Variants in ANO3 observed in about 807,000 individuals in gnomAD.
The protein encoded by ANO3 is anoctamin 3, also known as anoctamin-3.
ANO3 carries 99 observed loss-of-function variants against 144.8 expected under a neutral mutation model. The ratio of observed to expected loss-of-function variants is 0.68; its 90% CI spans 0.58 to 0.81. The LOEUF (loss-of-function observed/expected upper bound fraction) is 0.81, where lower values mean the gene tolerates loss of function less well. Ranked by LOEUF, ANO3 falls within the 30% of genes least tolerant of loss-of-function variation. ANO3 has a pLI of 0.00. For missense variants in ANO3, 905 were observed against 1,202.2 expected (o/e 0.75, Z 3.66); for synonymous variants, 414 against 392.6 (o/e 1.05, Z -0.64).
intron 1 of ANO3, among the ~76,000 whole-genome samples, chr11:26,381,242 T>G (rs1856582361): frequency 6.6e-6 from 1 of 152,154 alleles, no homozygotes; most frequent in South Asian, 2.1e-4. Flanking sequence ...TTATTCTAAC[T>G]TCAGTTTAAT....
At chr11:26,450,920 G>A (rs1021019598) in intron 3 of ANO3, among the ~76,000 whole-genome samples, 18 of 152,206 alleles carry the variant, frequency 1.2e-4, no homozygotes, top group African/African-American at 3.9e-4. Flanking sequence ...CCCAGAGATA[G>A]CTGTAAGGTT....
chr11:26,217,712 G>C (rs987514152), intron 1 of ANO3, among the ~76,000 whole-genome samples: 5 of 152,016 alleles, frequency 3.3e-5, no homozygotes, highest in Admixed American at 3.3e-4. Context: ...TATAAATGCA[G>C]ATTTAAGCTC....
At chr11:26,519,886 G>A (rs952725762) in intron 6 of ANO3, among the ~76,000 whole-genome samples, 20 of 138,668 alleles carry the variant, frequency 1.4e-4, no homozygotes, top group Non-Finnish European at 2.6e-4. Context: ...CTCTATCCAG[G>A]AAAAGTCTTA....
intron 18 of ANO3, among the ~76,000 whole-genome samples, chr11:26,630,935 A>G (rs1379230793): frequency 6.6e-6 from 1 of 151,552 alleles, no homozygotes; most frequent in African/African-American, 2.4e-5. Context: ...CCATATGACT[A>G]TTCAGGCATT....
chr11:26,196,893 A>G (rs1035341589), intron 1 of ANO3, among the ~76,000 whole-genome samples: 7 of 152,220 alleles, frequency 4.6e-5, no homozygotes, highest in African/African-American at 1.7e-4. Flanking sequence ...ACCAAAATGC[A>G]AGACATTGTA....
At chr11:26,232,182 A>G (rs2133803080) in intron 1 of ANO3, among the ~76,000 whole-genome samples, 1 of 152,246 alleles carries the variant, frequency 6.6e-6, no homozygotes, top group Non-Finnish European at 1.5e-5. Flanking sequence ...ATTTGTCACT[A>G]TGGTTGGCCC....
In ANO3 at chr11:26,485,192, G is replaced by T. The variant is rs138358706; in HGVS notation, c.432+22044G>T. Among the ~76,000 whole-genome samples, 64 of 152,302 alleles carry T rather than the reference G, an allele frequency of 4.2e-4. 1 individual carries two copies. In the East Asian group the frequency reaches 0.012, roughly 29 times the overall value. On this transcript the variant is annotated intron_variant, in intron 4 of 26. Coordinates refer to ENST00000256737, the MANE Select transcript of ANO3 (RefSeq NM_031418.4). ...CAATGTGAGAAGGACATGGGATTTG[G>T]TAGGGGCCAGGGGCAGAATGATATG...
intron 12 of ANO3, among the ~76,000 whole-genome samples, chr11:26,549,856 A>T (rs1364035607): frequency 1.3e-5 from 2 of 151,896 alleles, no homozygotes; most frequent in Admixed American, 6.6e-5. Context: ...TCAGCATCAG[A>T]ACTCACCAAG....
At position 26,461,920 on chromosome 11, in the gene ANO3, T is replaced by A. The variant is rs76716938; in HGVS notation, c.314-1110T>A. ...ATGTTAACCATCAATGAGTTAGGTA[T>A]GGTTAATAGGTCTAAGTGTAACCAC... On this transcript the variant is annotated intron_variant, in intron 3 of 26. Transcript: ENST00000256737. Among the ~76,000 whole-genome samples, 950 of 152,150 alleles carry A rather than the reference T, an allele frequency of 6.2e-3. 8 individuals are homozygous for A. The highest frequency in any genetic ancestry group is 0.022 in the African/African-American group (905 of 41,566).
At chr11:26,558,818 G>C (rs1850169350) in intron 13 of ANO3, among the ~76,000 whole-genome samples, 3 of 152,064 alleles carry the variant, frequency 2.0e-5, no homozygotes, top group Admixed American at 6.6e-5. Flanking sequence ...ATTGAACAAG[G>C]AGGACACCAT....
chr11:26,586,501 A>ATTTTTTTTTTTTTTTTTTTTTTTTTT (rs1281089936), intron 14 of ANO3, among the ~76,000 whole-genome samples: 3 of 40,012 alleles, frequency 7.5e-5, no homozygotes, highest in African/African-American at 8.9e-5. Flanking sequence ...CCTGGTGAGA[A>ATTTTTTTTTTTTTTTTTTTTTTTTTT]TCTTTTTTTT....
At chr11:26,548,219 C>A (rs553944675) in intron 12 of ANO3, among the ~76,000 whole-genome samples, 4 of 151,968 alleles carry the variant, frequency 2.6e-5, no homozygotes, top group Non-Finnish European at 5.9e-5. Context: ...TGACAAAAGT[C>A]AAACATATAT....
At chr11:26,227,864 AT>A (rs1438263166) in intron 1 of ANO3, among the ~76,000 whole-genome samples, 1 of 152,270 alleles carries the variant, frequency 6.6e-6, no homozygotes, top group African/African-American at 2.4e-5. Context: ...CATAATTTAA[AT>A]TTTTTTAAAC....
chr11:26,592,199 G>T (rs1450053445), intron 14 of ANO3, among the ~76,000 whole-genome samples: 1 of 152,132 alleles, frequency 6.6e-6, no homozygotes, highest in Non-Finnish European at 1.5e-5. Flanking sequence ...TTTTGGGAGA[G>T]AGTTACGGAT....
At chr11:26,471,041 T>A (rs1859763329) in intron 4 of ANO3, among the ~76,000 whole-genome samples, 1 of 151,986 alleles carries the variant, frequency 6.6e-6, no homozygotes, top group African/African-American at 2.4e-5. Flanking sequence ...CCAGAAGCTG[T>A]GGTAAGCACT....
intron 4 of ANO3, among the ~76,000 whole-genome samples, chr11:26,470,303 T>C (rs1859734330): frequency 6.6e-6 from 1 of 151,368 alleles, no homozygotes; most frequent in Non-Finnish European, 1.5e-5. Context: ...TCCCAACTAC[T>C]CGGGAGACTG....
At position 26,474,021 on chromosome 11, in the gene ANO3, G is replaced by A. The variant is rs557585028; in HGVS notation, c.432+10873G>A. ...TGGAAAAAGCAGGCGGTGAAAGGGA[G>A]AACTTTCAGTTGTCACACTGAAGAG... On this transcript the variant is annotated intron_variant, in intron 4 of 26. Transcript: ENST00000256737. 1,488 of 984,984 alleles carry A rather than the reference G, an allele frequency of 1.5e-3. 3 individuals carry two copies. The highest frequency in any genetic ancestry group is 2.6e-3 in the Middle Eastern group (5 of 1,914). 61.0% of individuals were successfully genotyped at this position (984,984 alleles called of 1,614,324 possible).
At chr11:26,539,261 G>C (rs890691902) in intron 10 of ANO3, among the ~76,000 whole-genome samples, 1 of 151,000 alleles carries the variant, frequency 6.6e-6, no homozygotes, top group Non-Finnish European at 1.5e-5. Context: ...GTCAGAGGAG[G>C]CCAGTCATGG....
At chr11:26,558,759 C>G (rs12288130) in intron 13 of ANO3, among the ~76,000 whole-genome samples, 1 of 151,998 alleles carries the variant, frequency 6.6e-6, no homozygotes, top group Non-Finnish European at 1.5e-5. Flanking sequence ...AACTGAAATA[C>G]GTATTACTGT....
Sources: gnomAD v4.1 joint callset for allele counts (sites outside exome capture counted in the v4.1 genomes callset) on GRCh38, gnomAD v4.1.1 for gene constraint, MANE v1.5 for transcripts, NCBI Gene and HGNC (gene_info 2026-07-23, HGNC 2026-07-21) for gene names.